Variants in TCF3 observed in about 807,000 individuals in gnomAD.
The protein encoded by TCF3 is transcription factor E2-alpha.
TCF3 carries 54 observed loss-of-function variants against 72.3 expected under a neutral mutation model. The observed-to-expected ratio is 0.75, with a 90% CI of 0.60 to 0.94. The LOEUF (loss-of-function observed/expected upper bound fraction) is 0.94. TCF3 is among the 40% of genes least tolerant of loss of function. TCF3 has a pLI of 0.00. For missense variants in TCF3, 1,078 were observed against 934.4 expected, an observed-to-expected ratio of 1.15 and a Z score of -2.00; for synonymous variants, 525 against 412.6, an observed-to-expected ratio of 1.27 and a Z score of -3.30.
intron 2 of TCF3, among the ~76,000 whole-genome samples, chr19:1,649,373 C>T (rs534026707): frequency 1.3e-5 from 2 of 152,344 alleles, no homozygotes; most frequent in African/African-American, 4.8e-5. Flanking sequence ...TTGTGTCTGC[C>T]CTGTTCACGG....
At chr19:1,642,125 G>C (rs1000745809) in intron 3 of TCF3, among the ~76,000 whole-genome samples, 1 of 121,352 alleles carries the variant, frequency 8.2e-6, no homozygotes, top group Non-Finnish European at 1.7e-5. Flanking sequence ...AAACTGCACA[G>C]AACTACACAC....
Position 1,622,220 on chromosome 19 carries a change from C to T in TCF3, c.656G>A (p.Gly219Asp). Reference sequence around the variant, plus strand: ...GAGCTCGGCTGAGGGGTGCAGGCTGCCATCTGTGGAGGGGAGCTGGTAAGG... The same window carrying T: ...GAGCTCGGCTGAGGGGTGCAGGCTGTCATCTGTGGAGGGGAGCTGGTAAGG... ...TYPAPFYVAD[G>D]SLHPSAELWS... Residue 219 changes from glycine to aspartate, a missense_variant, in exon 10 of 19, where the codon GGC (glycine) becomes GAC (aspartate). Physicochemically the swap from Gly to Asp is moderately conservative, Grantham distance 94. Coordinates refer to ENST00000262965, the MANE Select transcript of TCF3 (RefSeq NM_003200.5). 1.3e-6 allele frequency: 2 copies of T among 1,546,874 alleles called. No individual in the cohort carries two copies. Among genetic ancestry groups the T allele is most frequent in the Non-Finnish European group, 1.7e-6 (2 of 1,147,322 alleles).
intron 14 of TCF3, 104 bp downstream of exon 14, chr19:1,619,676 G>T: frequency 1.5e-6 from 2 of 1,302,310 alleles, no homozygotes; most frequent in Non-Finnish European, 2.1e-6. Flanking sequence ...AACAGCTTGG[G>T]GCTTATTTAC....
intron 3 of TCF3, among the ~76,000 whole-genome samples, chr19:1,641,803 G>T (rs767479779): frequency 4.6e-5 from 7 of 151,962 alleles, no homozygotes; most frequent in Non-Finnish European, 8.8e-5. Flanking sequence ...ATGTTGCCCA[G>T]GCTGGTCTTG....
Position 1,609,994 on chromosome 19 carries a change from A to G in TCF3, c.*1713T>C, listed in dbSNP as rs2060876128. On this transcript the variant is annotated 3_prime_UTR_variant, in exon 19 of 19. Transcript: ENST00000262965. Reference sequence around the variant, plus strand: ...AAGGCCCCCAGCTAGCCAGGCCCACACCTGGGTGCCACAGTGACCACTGCC... The same window carrying G: ...AAGGCCCCCAGCTAGCCAGGCCCACGCCTGGGTGCCACAGTGACCACTGCC... 1 of 232,598 alleles carries G rather than the reference A, an allele frequency of 4.3e-6. No homozygotes were observed. The highest frequency in any genetic ancestry group is 5.6e-5 in the Admixed American group (1 of 17,754). 14.4% of individuals were successfully genotyped at this position (232,598 alleles called of 1,614,324 possible). A position where few individuals can be genotyped will look rare whatever the true frequency, so the allele number is the denominator to read the frequency against.
intron 6 of TCF3, among the ~76,000 whole-genome samples, chr19:1,625,984 G>A (rs57162402): frequency 0.017 from 2,598 of 152,294 alleles, 20 homozygotes; most frequent in Non-Finnish European, 0.023. Flanking sequence ...ATTCTGAGAC[G>A]CAAAGTACAA....
Position 1,622,424 on chromosome 19 carries a change from G to GGGTGGGC in TCF3, c.550-16_550-10dup, listed in dbSNP as rs1477386883. ...GAGCTGGGTGGGTACACCTGCGGGC[G>GGGTGGGC]GGTGGGCGGTGGGGGGTGCAGTCAG... is the stretch of plus-strand genomic sequence containing the variant. On this transcript the variant is annotated splice_polypyrimidine_tract_variant and intron_variant, in intron 8 of 18. Coordinates refer to ENST00000262965, the MANE Select transcript of TCF3 (RefSeq NM_003200.5). The GGGTGGGC allele has an allele frequency of 7.1e-7, 1 of 1,403,944 alleles. No individual in the cohort carries two copies. Among genetic ancestry groups the GGGTGGGC allele is most frequent in the Non-Finnish European group, 9.5e-7 (1 of 1,057,836 alleles). 87.0% of individuals were successfully genotyped at this position (1,403,944 alleles called of 1,614,324 possible). A position where few individuals can be genotyped will look rare whatever the true frequency, so the allele number is the denominator to read the frequency against.
chr19:1,626,471 T>A (rs1384982121), intron 6 of TCF3, among the ~76,000 whole-genome samples: 1 of 150,226 alleles, frequency 6.7e-6, no homozygotes, highest in Non-Finnish European at 1.5e-5. Context: ...AAGAATCATC[T>A]GTTCTATCAT....
Position 1,652,498 on chromosome 19 carries a change from CGCCCCTGGGGCAGCGGCGTGCGCGGT to C in TCF3, c.-264_-239del, listed in dbSNP as rs2067281213. 7.0e-6 allele frequency: 1 copy of C among 143,662 alleles called. No homozygotes were observed. The highest frequency in any genetic ancestry group is 2.5e-5 in the African/African-American group (1 of 40,204). The allele number at this position is 143,662 out of a possible 1,614,324, so 8.9% of individuals were successfully genotyped here. On this transcript the variant is annotated 5_prime_UTR_variant, in exon 1 of 19. Coordinates refer to ENST00000262965, the MANE Select transcript of TCF3 (RefSeq NM_003200.5). ...GGCCCGTGCGCGCGGCCGGCCGGGG[CGCCCCTGGGGCAGCGGCGTGCGCGGT>C]GCCCGCGGTGCCCGCCGCCGCGTCG...
intron 5 of TCF3, among the ~76,000 whole-genome samples, chr19:1,627,985 G>GA (rs1336242168): frequency 8.3e-5 from 1 of 12,034 alleles, no homozygotes; most frequent in Non-Finnish European, 1.7e-4. Context: ...AGCTCACGGG[G>GA]TGAGGCGGGA....
At chr19:1,632,278 C>A (rs967688822) in intron 4 of TCF3, 54 bp downstream of exon 4, 42 of 1,553,770 alleles carry the variant, frequency 2.7e-5, no homozygotes, top group Middle Eastern at 1.7e-4. Flanking sequence ...CACCCCTCGC[C>A]CCCAACTCTG....
rs376568450 is a variant in TCF3, at chr19:1,627,441, G to A, written c.299-15C>T. ...ACCGCTCTTGCCTGCAAGGGGAGAAGGAAGGTTAGTGGGAGGCGACCCCAA... is the reference window on the plus strand; with the variant it reads ...ACCGCTCTTGCCTGCAAGGGGAGAAAGAAGGTTAGTGGGAGGCGACCCCAA... On this transcript the variant is annotated splice_polypyrimidine_tract_variant and intron_variant, in intron 5 of 18. Coordinates refer to ENST00000262965, the MANE Select transcript of TCF3 (RefSeq NM_003200.5). The A allele has an allele frequency of 5.3e-5, 86 of 1,611,448 alleles. No individual in the cohort carries two copies. Among genetic ancestry groups the A allele is most frequent in the Non-Finnish European group, 6.4e-5 (75 of 1,179,494 alleles).
chr19:1,651,965 C>T (rs1454539513), intron 1 of TCF3, among the ~76,000 whole-genome samples: 18 of 150,924 alleles, frequency 1.2e-4, no homozygotes, highest in African/African-American at 3.6e-4. Context: ...CCCGTGCGCC[C>T]GGGCTGGGGG....
rs2060978314 is a variant in TCF3 at position 1,611,464 on chromosome 19, T to C, written c.*243A>G. 4.1e-6 allele frequency: 2 copies of C among 490,090 alleles called. No individual in the cohort carries two copies. Among genetic ancestry groups the C allele is most frequent in the Non-Finnish European group, 3.6e-6 (1 of 281,180 alleles). The allele number at this position is 490,090 out of a possible 1,614,324, so 30.4% of individuals were successfully genotyped here. A position where few individuals can be genotyped will look rare whatever the true frequency, so the allele number is the denominator to read the frequency against. On this transcript the variant is annotated 3_prime_UTR_variant, in exon 19 of 19. Coordinates refer to ENST00000262965, the MANE Select transcript of TCF3 (RefSeq NM_003200.5). ...ACAGGTCACAGAGTGACACGGTGGC[T>C]GAGATTCGGGGACAGGGGGAGCGAG...
chr19:1,639,332 C>T (rs959645444), intron 3 of TCF3, among the ~76,000 whole-genome samples: 2 of 152,208 alleles, frequency 1.3e-5, no homozygotes, highest in Non-Finnish European at 2.9e-5. Context: ...GCATGAGCCA[C>T]CACCACCAGC....
In TCF3 at chr19:1,631,623, G is replaced by A. The variant is rs553575725; in HGVS notation, c.298+415C>T. 4.0e-4 allele frequency among the ~76,000 whole-genome samples: 61 copies of A among 152,104 alleles called. No individual in the cohort carries two copies. The East Asian group carries it at 4.3e-3, about 11-fold the overall frequency. On this transcript the variant is annotated intron_variant, in intron 5 of 18. Transcript: ENST00000262965. ...GGCCCCCCAGGGAAAGAGGGCGGGC[G>A]GGCGGTCTGCGGAAGGGCATGGGCT...
At chr19:1,639,411 A>C (rs944523285) in intron 3 of TCF3, among the ~76,000 whole-genome samples, 2 of 152,154 alleles carry the variant, frequency 1.3e-5, no homozygotes, top group Non-Finnish European at 1.5e-5. Context: ...CTCAGCCCAC[A>C]CAAGCCCACA....
chr19:1,615,727 C>T lies in TCF3; in HGVS notation c.1545G>A (p.Glu515=). ...EENTSAADHS[E]EEKKELKAPR... Reference sequence around the variant, plus strand: ...GGGCCTTCAGCTCCTTCTTCTCCTCCTCCGAGTGGTCAGCCGCTGACGTGT... The same window carrying T: ...GGGCCTTCAGCTCCTTCTTCTCCTCTTCCGAGTGGTCAGCCGCTGACGTGT... Residue 515 remains glutamate, a synonymous_variant, in exon 17 of 19, where the codon GAG becomes GAA. Coordinates refer to ENST00000262965, the MANE Select transcript of TCF3 (RefSeq NM_003200.5). The surrounding 1 kb of genome is among the most constrained non-coding windows in gnomAD (Gnocchi z 7.3). 1 of 1,613,226 alleles carries T rather than the reference C, an allele frequency of 6.2e-7. No homozygotes were observed. Among genetic ancestry groups the T allele is most frequent in the Non-Finnish European group, 8.5e-7 (1 of 1,179,476 alleles).
intron 13 of TCF3, 95 bp from the exon 14 acceptor site, chr19:1,619,948 T>C: frequency 1.8e-6 from 2 of 1,134,908 alleles, no homozygotes; most frequent in Non-Finnish European, 2.5e-6. Flanking sequence ...ACCCCGCCTG[T>C]CCAGCCTCCG....
Sources: gnomAD v4.1 joint callset for allele counts (sites outside exome capture counted in the v4.1 genomes callset) on GRCh38, gnomAD v4.1.1 for gene constraint, Gnocchi (gnomAD v3.1) non-coding constraint, MANE v1.5 for transcripts, NCBI Gene and HGNC (gene_info 2026-07-23, HGNC 2026-07-21) for gene names.